Variants in CPE observed in about 807,000 individuals in gnomAD.
CPE encodes carbocypeptidase E.
In CPE, 17 loss-of-function variants were observed where a neutral mutation model predicts 53.5. That is an observed-to-expected ratio of 0.32 (90% confidence interval 0.22 to 0.48). CPE has a LOEUF of 0.48. Ranked by LOEUF, CPE falls within the 20% of genes least tolerant of loss-of-function variation. The probability of loss-of-function intolerance (pLI) is 0.99; values close to 1 mark genes in which losing one functional copy is unlikely to be tolerated. For missense variants in CPE, 524 were observed against 614.7 expected, an observed-to-expected ratio of 0.85 and a Z score of 1.56; for synonymous variants, 226 against 228.8, an observed-to-expected ratio of 0.99 and a Z score of 0.11.
intron 1 of CPE, among the ~76,000 whole-genome samples, chr4:165,451,702 G>T (rs993336107): frequency 6.6e-6 from 1 of 152,044 alleles, no homozygotes. Context: ...ATGTTGGTCA[G>T]GCTGGTCTCA....
At chr4:165,474,775 C>A (rs1206900087) in intron 3 of CPE, among the ~76,000 whole-genome samples, 1 of 152,220 alleles carries the variant, frequency 6.6e-6, no homozygotes, top group Non-Finnish European at 1.5e-5. Context: ...TTTGTGACTG[C>A]AACCTTGGGC....
chr4:165,474,170 G>T (rs527861738), intron 3 of CPE, among the ~76,000 whole-genome samples: 1 of 152,316 alleles, frequency 6.6e-6, no homozygotes, highest in Non-Finnish European at 1.5e-5. Flanking sequence ...TCTTGTTTCT[G>T]CATTTTTCCT....
chr4:165,441,438 C>T lies in CPE; in HGVS notation c.308-22952C>T, dbSNP rs79871706. 4.2e-3 allele frequency among the ~76,000 whole-genome samples: 641 copies of T among 152,220 alleles called. 5 individuals are homozygous for T. Among genetic ancestry groups the T allele is most frequent in the African/African-American group, 0.015 (613 of 41,532 alleles). ...GGAGCCATCATTTGAATTTCCATCA[C>T]GGCCTGTCTCTGGAGCAGACCACTG... On this transcript the variant is annotated intron_variant, in intron 1 of 8. Transcript: ENST00000402744.
intron 1 of CPE, among the ~76,000 whole-genome samples, chr4:165,442,516 T>C (rs907457787): frequency 6.6e-6 from 1 of 152,166 alleles, no homozygotes; most frequent in Non-Finnish European, 1.5e-5. Context: ...TTCCAGATTA[T>C]AACAAGGCCC....
chr4:165,408,233 G>C (rs7699011), intron 1 of CPE, among the ~76,000 whole-genome samples: 72,844 of 151,882 alleles, frequency 0.48, 17,904 homozygotes, highest in African/African-American at 0.58. Flanking sequence ...AAACCATTGC[G>C]TAATCTAAGG....
intron 1 of CPE, among the ~76,000 whole-genome samples, chr4:165,446,436 A>G (rs1282547527): frequency 6.6e-6 from 1 of 152,250 alleles, no homozygotes; most frequent in Non-Finnish European, 1.5e-5. Context: ...CAGATGGCCA[A>G]TAAATGTATG....
At chr4:165,422,586 G>T (rs1005796733) in intron 1 of CPE, among the ~76,000 whole-genome samples, 2 of 152,152 alleles carry the variant, frequency 1.3e-5, no homozygotes, top group African/African-American at 4.8e-5. Context: ...CTGTGACACA[G>T]CCTTAGGAGG....
At chr4:165,456,489 A>G (rs553333081) in intron 1 of CPE, among the ~76,000 whole-genome samples, 6 of 152,220 alleles carry the variant, frequency 3.9e-5, no homozygotes, top group Non-Finnish European at 8.8e-5. Context: ...GTAATAGGGT[A>G]GACGCTAATT....
At chr4:165,460,406 G>T (rs1226869506) in intron 1 of CPE, among the ~76,000 whole-genome samples, 1 of 152,138 alleles carries the variant, frequency 6.6e-6, no homozygotes, top group African/African-American at 2.4e-5. Flanking sequence ...AGGTTTTGTG[G>T]TGACTATGGA....
intron 1 of CPE, among the ~76,000 whole-genome samples, chr4:165,439,288 AC>A (rs1313615014): frequency 7.7e-6 from 1 of 129,732 alleles, no homozygotes; most frequent in Non-Finnish European, 1.7e-5. Flanking sequence ...GGTTGAGCCA[AC>A]TTTAAAATTT....
At chr4:165,491,329 G>T (rs1461674387) in intron 6 of CPE, among the ~76,000 whole-genome samples, 3 of 152,168 alleles carry the variant, frequency 2.0e-5, no homozygotes, top group Non-Finnish European at 4.4e-5. Context: ...ATAATTTCAG[G>T]ATTATAGTGC....
At chr4:165,385,673 A>T (rs1339874822) in intron 1 of CPE, among the ~76,000 whole-genome samples, 1 of 152,084 alleles carries the variant, frequency 6.6e-6, no homozygotes, top group African/African-American at 2.4e-5. Context: ...CATGATGATG[A>T]ACAATAATCA....
chr4:165,472,463 G>A (rs1168959895), intron 3 of CPE, among the ~76,000 whole-genome samples: 2 of 152,174 alleles, frequency 1.3e-5, no homozygotes, highest in African/African-American at 4.8e-5. Flanking sequence ...TAGCATAACA[G>A]TTATAATTAT....
chr4:165,397,803 G>A (rs1223182972), intron 1 of CPE, among the ~76,000 whole-genome samples: 1 of 151,916 alleles, frequency 6.6e-6, no homozygotes, highest in Non-Finnish European at 1.5e-5. Context: ...CACTTTGGGA[G>A]GCCAACGTGG....
intron 1 of CPE, among the ~76,000 whole-genome samples, chr4:165,424,959 A>C (rs74553330): frequency 0.29 from 43,484 of 149,456 alleles, 6,383 homozygotes; most frequent in Middle Eastern, 0.39. Context: ...ACTGCAACCT[A>C]CACCTCCCTG....
intron 1 of CPE, among the ~76,000 whole-genome samples, chr4:165,450,428 G>T (rs1484659954): frequency 6.6e-6 from 1 of 152,166 alleles, no homozygotes. Context: ...GGATGAGATT[G>T]AGTGGGAGGT....
intron 1 of CPE, among the ~76,000 whole-genome samples, chr4:165,440,880 A>G (rs1731598742): frequency 6.6e-6 from 1 of 152,146 alleles, no homozygotes; most frequent in African/African-American, 2.4e-5. Flanking sequence ...TTTCATGTGC[A>G]GCATTAGCAA....
At chr4:165,405,691 C>G in intron 1 of CPE, 1 of 803,342 alleles carries the variant, frequency 1.2e-6, no homozygotes. Flanking sequence ...TAGTCCTGGT[C>G]GCAGAGATTC....
intron 1 of CPE, among the ~76,000 whole-genome samples, chr4:165,385,157 G>A (rs781363951): frequency 3.3e-5 from 5 of 152,160 alleles, no homozygotes; most frequent in Non-Finnish European, 5.9e-5. Context: ...CCAAAGTAGT[G>A]TAGTATATAG....
Sources: allele counts gnomAD v4.1 joint callset (sites outside exome capture counted in the v4.1 genomes callset), GRCh38; gene constraint gnomAD v4.1.1; transcripts MANE v1.5; gene names NCBI Gene and HGNC (gene_info 2026-07-23, HGNC 2026-07-21).